Variants in EMX1 observed in about 807,000 individuals in gnomAD.
EMX1 encodes homeobox protein EMX1.
In EMX1, 10 loss-of-function variants were observed where a neutral mutation model predicts 20.1. That is an observed-to-expected ratio of 0.50 (90% CI 0.31 to 0.84). The LOEUF is 0.84. EMX1 is among the 40% of genes least tolerant of loss of function. The pLI, the probability that EMX1 is intolerant of heterozygous loss-of-function variation, is 0.05. For missense variants in EMX1, 424 were observed against 431.9 expected (o/e 0.98, Z 0.16); for synonymous variants, 250 against 200.4 (o/e 1.25, Z -2.09).
At chr2:72,925,480 C>G in intron 2 of EMX1, 1 of 1,289,046 alleles carries the variant, frequency 7.8e-7, no homozygotes, top group Non-Finnish European at 1.0e-6. Context: ...CTCAGCCTAG[C>G]TGCTGCCCTG....
upstream of EMX1, chr2:72,916,301 G>C: frequency 4.4e-6 from 1 of 226,582 alleles, no homozygotes; most frequent in South Asian, 6.4e-5. Flanking sequence ...GGGGCGTCAG[G>C]AGGCCCAACC....
In EMX1 at chr2:72,930,857, G is replaced by A. The variant is rs1671268907; in HGVS notation, c.706-2930G>A. On this transcript the variant is annotated intron_variant, in intron 2 of 2. Coordinates refer to ENST00000258106, the MANE Select transcript of EMX1 (RefSeq NM_004097.3). This position sits in a 1 kb window ranked among gnomAD's most constrained non-coding sequence, Gnocchi z 4.4. ...AATCTATTAAGGAAAATTCAGAAAA[G>A]TAGAAAGAAGAAAGAAACATCACCC... Among the ~76,000 whole-genome samples the A allele has an allele frequency of 6.6e-6, 1 of 152,208 alleles. No individual in the cohort carries two copies. The highest frequency in any genetic ancestry group is 2.1e-4 in the South Asian group (1 of 4,834).
intron 2 of EMX1, among the ~76,000 whole-genome samples, chr2:72,927,148 G>C (rs1012935831): frequency 7.2e-5 from 11 of 152,120 alleles, no homozygotes; most frequent in African/African-American, 2.7e-4. Flanking sequence ...TTTTCTATTA[G>C]TTATATGTTC....
At chr2:72,927,043 T>G (rs766966677) in intron 2 of EMX1, among the ~76,000 whole-genome samples, 27 of 152,198 alleles carry the variant, frequency 1.8e-4, no homozygotes, top group Non-Finnish European at 3.1e-4. Flanking sequence ...AGCTCTCTAA[T>G]CTGTCCCACC....
intron 2 of EMX1, among the ~76,000 whole-genome samples, chr2:72,931,739 C>A (rs1409173067): frequency 6.6e-6 from 1 of 152,272 alleles, no homozygotes. Context: ...CTTGCCCTCA[C>A]TCCATCCATC....
intron 1 of EMX1, 61 bp from the exon 2 acceptor site, chr2:72,924,248 T>A: frequency 6.5e-7 from 1 of 1,533,754 alleles, no homozygotes; most frequent in Non-Finnish European, 8.7e-7. Flanking sequence ...GGGCCCCGGC[T>A]CACGGCGCCC....
Position 72,924,448 on chromosome 2 carries a change from C to A in EMX1, c.660C>A (p.Ala220=). Residue 220 remains alanine, a synonymous_variant, in exon 2 of 3, where the codon GCC becomes GCA. Coordinates refer to ENST00000258106, the MANE Select transcript of EMX1 (RefSeq NM_004097.3). ...AGAAGAACCACTACGTGGTGGGCGC[C>A]GAGCGGAAGCAGCTGGCCGGCAGTC... The part of the protein sequence containing the change: ...AFEKNHYVVG[A]ERKQLAGSLS... 2 of 1,596,494 alleles carry A rather than the reference C, an allele frequency of 1.3e-6. No individual in the cohort carries two copies. Among genetic ancestry groups the A allele is most frequent in the African/African-American group, 1.3e-5 (1 of 74,942 alleles).
chr2:72,928,805 A>T (rs924708922), intron 2 of EMX1, among the ~76,000 whole-genome samples: 1 of 152,180 alleles, frequency 6.6e-6, no homozygotes, highest in Non-Finnish European at 1.5e-5. Context: ...CTGTGGGCTG[A>T]GGGGTGTCAG....
upstream of EMX1, chr2:72,916,607 G>T (rs1670966299): frequency 1.5e-6 from 1 of 663,964 alleles, no homozygotes; most frequent in Admixed American, 2.2e-5. Flanking sequence ...GCGGTTCCGC[G>T]GTCGCGGGTG....
chr2:72,934,111 A>G lies in EMX1; in HGVS notation c.*157A>G, dbSNP rs1402553557. The G allele has an allele frequency of 9.4e-7, 1 of 1,064,388 alleles. No homozygotes were observed. Among genetic ancestry groups the G allele is most frequent in the Non-Finnish European group, 1.3e-6 (1 of 760,728 alleles). The allele number at this position is 1,064,388 out of a possible 1,614,324, so 65.9% of individuals were successfully genotyped here. A position where few individuals can be genotyped will look rare whatever the true frequency, so the allele number is the denominator to read the frequency against. ...CTTGAAGCCCGGGGCCGCCATTGACAGAGGGACAAGCAATGGGCTGGCTGA... is the reference window on the plus strand; with the variant it reads ...CTTGAAGCCCGGGGCCGCCATTGACGGAGGGACAAGCAATGGGCTGGCTGA... On this transcript the variant is annotated 3_prime_UTR_variant, in exon 3 of 3. Transcript: ENST00000258106.
chr2:72,916,881 G>A (rs1260773055), upstream of EMX1: 2 of 717,288 alleles, frequency 2.8e-6, no homozygotes, highest in Non-Finnish European at 5.2e-6. Context: ...TTCCAGCCCC[G>A]CGAACAGCTG....
At chr2:72,926,553 G>A (rs959397094) in intron 2 of EMX1, among the ~76,000 whole-genome samples, 2 of 152,218 alleles carry the variant, frequency 1.3e-5, no homozygotes, top group African/African-American at 4.8e-5. Context: ...GGTTTGGACA[G>A]AGCTTCCCAG....
At chr2:72,919,991 G>A (rs921385621) in intron 1 of EMX1, among the ~76,000 whole-genome samples, 2 of 152,208 alleles carry the variant, frequency 1.3e-5, no homozygotes, top group African/African-American at 4.8e-5. Context: ...GGGCCGCCGC[G>A]GCCGAGGGGC....
chr2:72,917,733 C>G lies in EMX1; in HGVS notation c.-120C>G. ...AGCAGCCGCCGCGCCTGGCCGTACG[C>G]TGTGGCCGGACCCCGCGGTCGCTCG... is the stretch of plus-strand genomic sequence containing the variant. On this transcript the variant is annotated 5_prime_UTR_variant, in exon 1 of 3. Coordinates refer to ENST00000258106, the MANE Select transcript of EMX1 (RefSeq NM_004097.3). 1 of 985,698 alleles carries G rather than the reference C, an allele frequency of 1.0e-6. No individual in the cohort carries two copies. Among genetic ancestry groups the G allele is most frequent in the Non-Finnish European group, 1.3e-6 (1 of 777,100 alleles). The allele number at this position is 985,698 out of a possible 1,614,324, so 61.1% of individuals were successfully genotyped here. A position where few individuals can be genotyped will look rare whatever the true frequency, so the allele number is the denominator to read the frequency against.
intron 1 of EMX1, 141 bp from the exon 2 acceptor site, chr2:72,924,168 C>A: frequency 9.8e-7 from 1 of 1,025,336 alleles, no homozygotes; most frequent in Non-Finnish European, 1.5e-6. Context: ...GGAGAAATGG[C>A]GTGTGTGTGC....
At chr2:72,916,790 G>C (rs1390230222), upstream of EMX1, 6 of 717,222 alleles carry the variant, frequency 8.4e-6, no homozygotes, top group Non-Finnish European at 1.6e-5. Context: ...CAGAGAAGGC[G>C]AGGGGGTGGA....
At chr2:72,916,501 A>C, upstream of EMX1, 4 of 588,750 alleles carry the variant, frequency 6.8e-6, no homozygotes, top group East Asian at 2.8e-5. Context: ...TGGGGTGGGA[A>C]AGTTTGGGGA....
intron 1 of EMX1, among the ~76,000 whole-genome samples, chr2:72,919,562 G>A (rs1249899034): frequency 6.6e-6 from 1 of 152,142 alleles, no homozygotes; most frequent in African/African-American, 2.4e-5. Context: ...CAGTTGTTTA[G>A]ATAATAAAAT....
At chr2:72,928,572 A>C (rs1171958290) in intron 2 of EMX1, among the ~76,000 whole-genome samples, 1 of 152,200 alleles carries the variant, frequency 6.6e-6, no homozygotes, top group Non-Finnish European at 1.5e-5. Flanking sequence ...AGGCTGATCA[A>C]CTGGTCAGTG....
Sources: allele counts gnomAD v4.1 joint callset (sites outside exome capture counted in the v4.1 genomes callset), GRCh38; gene constraint gnomAD v4.1.1; non-coding constraint Gnocchi (gnomAD v3.1); transcripts MANE v1.5; gene names NCBI Gene and HGNC (gene_info 2026-07-23, HGNC 2026-07-21).